Variants in GALNT17 observed in about 807,000 individuals in gnomAD.
The protein encoded by GALNT17 is UDP-GalNAc:polypeptide N-acetylgalactosaminyltransferase-like 3.
In GALNT17, 29 loss-of-function variants were observed where a neutral mutation model predicts 63.7. The ratio of observed to expected loss-of-function variants is 0.46; its 90% CI spans 0.34 to 0.62. GALNT17 has a LOEUF of 0.62. Ranked by LOEUF, GALNT17 falls within the 20% of genes least tolerant of loss-of-function variation. GALNT17 has a pLI of 0.01. For missense variants in GALNT17, 603 were observed against 799.6 expected (o/e 0.75, Z 2.97); for synonymous variants, 305 against 318.3 (o/e 0.96, Z 0.45).
At chr7:71,268,189 C>T (rs1202240330) in intron 1 of GALNT17, among the ~76,000 whole-genome samples, 1 of 151,844 alleles carries the variant, frequency 6.6e-6, no homozygotes. Context: ...TTTTTCCCTC[C>T]CAACAGGAGG....
chr7:71,609,238 G>C (rs1334814322), intron 6 of GALNT17, among the ~76,000 whole-genome samples: 2 of 152,150 alleles, frequency 1.3e-5, no homozygotes, highest in East Asian at 1.9e-4. Context: ...CTTTTGTCTG[G>C]ACTTGTCTGT....
chr7:71,589,941 T>A (rs1400693186), intron 6 of GALNT17, among the ~76,000 whole-genome samples: 1 of 152,240 alleles, frequency 6.6e-6, no homozygotes, highest in African/African-American at 2.4e-5. Flanking sequence ...GTGCTATGGA[T>A]GATGCTTGTA....
intron 1 of GALNT17, among the ~76,000 whole-genome samples, chr7:71,324,008 C>T (rs984702277): frequency 1.3e-5 from 2 of 152,092 alleles, no homozygotes; most frequent in African/African-American, 4.8e-5. Flanking sequence ...TGTTGAGTAG[C>T]AGGGAAGACT....
In GALNT17 at chr7:71,154,659, C is replaced by T. The variant is rs971935703; in HGVS notation, c.238+21619C>T. Among the ~76,000 whole-genome samples the T allele has an allele frequency of 4.6e-5, 7 of 152,240 alleles. No homozygotes were observed. The South Asian group carries it at 1.2e-3, about 27-fold the overall frequency. ...TGGCACGATCTCGGCTCACTGCAAG[C>T]TCCGCCTCCCTGGTTCACGCCATTC... is the stretch of plus-strand genomic sequence containing the variant. On this transcript the variant is annotated intron_variant, in intron 1 of 10. Transcript: ENST00000333538.
intron 6 of GALNT17, among the ~76,000 whole-genome samples, chr7:71,584,824 C>T (rs922618975): frequency 6.6e-5 from 10 of 152,010 alleles, no homozygotes; most frequent in Non-Finnish European, 1.5e-4. Flanking sequence ...GCGCGATCTC[C>T]ACTCACTGCA....
chr7:71,197,718 C>T (rs1438499847), intron 1 of GALNT17, among the ~76,000 whole-genome samples: 1 of 152,056 alleles, frequency 6.6e-6, no homozygotes, highest in Non-Finnish European at 1.5e-5. Context: ...CTGTGCCTGG[C>T]TTATTTCACT....
chr7:71,262,617 A>G (rs960437631), intron 1 of GALNT17, among the ~76,000 whole-genome samples: 4 of 152,130 alleles, frequency 2.6e-5, no homozygotes, highest in South Asian at 2.1e-4. Context: ...TTAAATTAAA[A>G]TGAGGTCTTT....
intron 10 of GALNT17, among the ~76,000 whole-genome samples, chr7:71,711,788 CTT>C (rs1179521832): frequency 1.5e-4 from 22 of 150,758 alleles, no homozygotes; most frequent in Non-Finnish European, 2.2e-4. Flanking sequence ...TCTCCTGTCT[CTT>C]TCTCTTCTGT....
chr7:71,392,742 C>T (rs932106036), intron 3 of GALNT17, among the ~76,000 whole-genome samples: 1 of 152,176 alleles, frequency 6.6e-6, no homozygotes, highest in Non-Finnish European at 1.5e-5. Context: ...CCTCCTCTCC[C>T]AAATACCCAG....
At chr7:71,392,198 G>A (rs1375051740) in intron 3 of GALNT17, among the ~76,000 whole-genome samples, 1 of 152,116 alleles carries the variant, frequency 6.6e-6, no homozygotes, top group African/African-American at 2.4e-5. Flanking sequence ...CAAGTAGATG[G>A]GTTTATTCAC....
At chr7:71,334,363 G>A (rs73181636) in intron 1 of GALNT17, among the ~76,000 whole-genome samples, 23,483 of 152,072 alleles carry the variant, frequency 0.15, 2,058 homozygotes, top group East Asian at 0.29. Flanking sequence ...TGCCCAGGCT[G>A]TGAAAGCCAA....
chr7:71,626,960 A>G (rs1010440781), intron 6 of GALNT17, among the ~76,000 whole-genome samples: 1 of 152,196 alleles, frequency 6.6e-6, no homozygotes, highest in Non-Finnish European at 1.5e-5. Flanking sequence ...GCCTTTCTGC[A>G]TCAGCACAGA....
intron 5 of GALNT17, among the ~76,000 whole-genome samples, chr7:71,458,942 C>T (rs1239360878): frequency 6.6e-6 from 1 of 152,150 alleles, no homozygotes; most frequent in African/African-American, 2.4e-5. Context: ...ACAGGAATGG[C>T]TGTTCCCATT....
intron 2 of GALNT17, among the ~76,000 whole-genome samples, chr7:71,340,114 A>G (rs1230230917): frequency 6.6e-6 from 1 of 152,218 alleles, no homozygotes; most frequent in African/African-American, 2.4e-5. Context: ...AAGCCCCTAG[A>G]GACTCAAGAA....
At chr7:71,589,971 C>G (rs1194214854) in intron 6 of GALNT17, among the ~76,000 whole-genome samples, 1 of 152,196 alleles carries the variant, frequency 6.6e-6, no homozygotes, top group Non-Finnish European at 1.5e-5. Flanking sequence ...TATCATAAAA[C>G]AATTCCATCT....
intron 5 of GALNT17, among the ~76,000 whole-genome samples, chr7:71,493,650 T>A (rs1788046510): frequency 6.6e-6 from 1 of 152,090 alleles, no homozygotes; most frequent in Non-Finnish European, 1.5e-5. Flanking sequence ...TCCAATGATC[T>A]CCCCCAGGGA....
At chr7:71,146,685 T>C (rs1299755323) in intron 1 of GALNT17, among the ~76,000 whole-genome samples, 1 of 152,100 alleles carries the variant, frequency 6.6e-6, no homozygotes, top group Non-Finnish European at 1.5e-5. Context: ...TCCTCTCCCC[T>C]AGTGATTGCT....
chr7:71,494,554 T>G (rs1487976876), intron 5 of GALNT17, among the ~76,000 whole-genome samples: 1 of 152,100 alleles, frequency 6.6e-6, no homozygotes. Flanking sequence ...AAATGGGGCC[T>G]CACTGTATTA....
chr7:71,523,188 G>T (rs552981482), intron 5 of GALNT17, among the ~76,000 whole-genome samples: 1 of 152,334 alleles, frequency 6.6e-6, no homozygotes, highest in African/African-American at 2.4e-5. Context: ...CACTTTGGGA[G>T]GCCAAGGTGG....
Sources: allele counts gnomAD v4.1 joint callset (sites outside exome capture counted in the v4.1 genomes callset), GRCh38; gene constraint gnomAD v4.1.1; transcripts MANE v1.5; gene names NCBI Gene and HGNC (gene_info 2026-07-23, HGNC 2026-07-21).